COL28A1: variants seen among roughly 807,000 people sequenced by gnomAD.
The protein encoded by COL28A1 is collagen type XXVIII alpha 1 chain, also known as collagen alpha-1(XXVIII) chain.
COL28A1 carries 161 observed loss-of-function variants against 150.2 expected under a neutral mutation model. The ratio of observed to expected loss-of-function variants is 1.07; its 90% CI spans 0.94 to 1.22. The LOEUF is 1.22. COL28A1 is among the 50% of genes most tolerant of loss of function. The pLI is 0.00. For missense variants in COL28A1, 1,617 were observed against 1,388.3 expected (o/e 1.16, Z -2.62); for synonymous variants, 552 against 469.7 (o/e 1.18, Z -2.26).
Position 7,373,058 on chromosome 7 carries a change from T to G in COL28A1, c.2848A>C (p.Asn950His), listed in dbSNP as rs1352015478. The G allele has an allele frequency of 2.5e-6, 4 of 1,614,150 alleles. No homozygotes were observed. Among genetic ancestry groups the G allele is most frequent in the Non-Finnish European group, 3.4e-6 (4 of 1,180,026 alleles). Reference protein sequence around the residue: ...PNFEIFHKEMNLIATDPEHVY... With the variant: ...PNFEIFHKEMHLIATDPEHVY... ...TGCTCTGGGTCAGTAGCAATTAGAT[T>G]CATTTCTTTGTGGAATATTTCAAAG... The change falls in exon 32 of 35, where the codon AAT becomes CAT. Residue 950 changes from asparagine (N) to histidine (H), a missense_variant. By Grantham distance (68) the Asn-to-His change is moderately conservative. Transcript: ENST00000399429. This position sits in a 1 kb window ranked among gnomAD's most constrained non-coding sequence, Gnocchi z 4.1.
intron 11 of COL28A1, among the ~76,000 whole-genome samples, chr7:7,504,939 G>A (rs946088500): frequency 6.6e-6 from 1 of 152,174 alleles, no homozygotes; most frequent in Admixed American, 6.5e-5. Flanking sequence ...GATTGTACCT[G>A]TAGCCAATGC....
At chr7:7,351,089 T>C in the COL28A1 span, among the ~76,000 whole-genome samples, 1 of 152,174 alleles carries the variant, frequency 6.6e-6, no homozygotes, top group Admixed American at 6.6e-5. Context: ...TTGTCTTTTA[T>C]TGACGTGGAA....
chr7:7,360,627 G>A (rs1780604341), intron 33 of COL28A1, 99 bp from the exon 34 acceptor site: 2 of 1,048,852 alleles, frequency 1.9e-6, no homozygotes, highest in Admixed American at 2.9e-5. Flanking sequence ...CAGCCATGCT[G>A]TGTTTCCCTA....
In COL28A1 at chr7:7,515,673, T is replaced by C. The variant is rs1781376605; in HGVS notation, c.882+141A>G. 9.0e-6 allele frequency: 6 copies of C among 669,788 alleles called. No individual in the cohort carries two copies. The Admixed American group carries it at 1.6e-4, about 18-fold the overall frequency. 41.5% of individuals were successfully genotyped at this position (669,788 alleles called of 1,614,324 possible). ...CACATCCATATGTTAAGTTCTATTA[T>C]TATTTTATGTTAACTCAGGAATGAG... On this transcript the variant is annotated intron_variant, in intron 8 of 34. Coordinates refer to ENST00000399429, the MANE Select transcript of COL28A1 (RefSeq NM_001037763.3).
At chr7:7,355,895 C>T (rs1398735645), downstream of COL28A1, among the ~76,000 whole-genome samples, 1 of 152,110 alleles carries the variant, frequency 6.6e-6, no homozygotes. Flanking sequence ...AGAGCATTCA[C>T]AGCAACAGTG....
chr7:7,460,176 G>C (rs192410395), intron 15 of COL28A1, among the ~76,000 whole-genome samples: 293 of 152,300 alleles, frequency 1.9e-3, no homozygotes, highest in African/African-American at 6.3e-3. Flanking sequence ...AGTCACTGTA[G>C]GTTCATCGTA....
intron 11 of COL28A1, among the ~76,000 whole-genome samples, chr7:7,498,693 A>C (rs554864125): frequency 5.9e-5 from 9 of 152,218 alleles, no homozygotes; most frequent in African/African-American, 2.2e-4. Context: ...CAAACTTGCT[A>C]TTGCAACTTA....
At chr7:7,417,634 C>T (rs1471205168) in intron 27 of COL28A1, 6 of 519,356 alleles carry the variant, frequency 1.2e-5, no homozygotes, top group African/African-American at 8.1e-5. Context: ...TAGAACAGTT[C>T]ACTTTTGCAC....
chr7:7,384,998 T>C (rs1304791768), intron 27 of COL28A1, among the ~76,000 whole-genome samples: 3 of 152,212 alleles, frequency 2.0e-5, no homozygotes, highest in Non-Finnish European at 4.4e-5. Flanking sequence ...TGCAGCCTGC[T>C]TCTGAACATG....
At chr7:7,417,470 G>C (rs892956061) in intron 27 of COL28A1, among the ~76,000 whole-genome samples, 1 of 136,412 alleles carries the variant, frequency 7.3e-6, no homozygotes, top group Non-Finnish European at 1.6e-5. Context: ...CTACCATGGA[G>C]GATACAGGTG....
intron 25 of COL28A1, 178 bp from the exon 26 acceptor site, chr7:7,420,131 T>C (rs1262442445): frequency 1.3e-5 from 5 of 392,600 alleles, no homozygotes; most frequent in Non-Finnish European, 1.8e-5. Flanking sequence ...CAGATCCAGG[T>C]CCATTTCAAA....
intron 27 of COL28A1, among the ~76,000 whole-genome samples, chr7:7,382,903 GA>G (rs1179107741): frequency 6.6e-6 from 1 of 152,150 alleles, no homozygotes; most frequent in African/African-American, 2.4e-5. Context: ...GGCACTCCTG[GA>G]AGGGGCCACA....
intron 21 of COL28A1, among the ~76,000 whole-genome samples, chr7:7,440,262 C>T (rs1404257502): frequency 6.6e-6 from 1 of 152,138 alleles, no homozygotes; most frequent in African/African-American, 2.4e-5. Flanking sequence ...TTACTATATA[C>T]CAGGAAATGT....
rs367611302 is a variant in COL28A1, at chr7:7,432,549, G to T, written c.1930-8C>A. The T allele has an allele frequency of 6.2e-6, 10 of 1,613,496 alleles. No homozygotes were observed. In the African/African-American group the frequency reaches 1.2e-4, roughly 19 times the overall value. On this transcript the variant is annotated splice_region_variant and splice_polypyrimidine_tract_variant and intron_variant, in intron 24 of 34. Coordinates refer to ENST00000399429, the MANE Select transcript of COL28A1 (RefSeq NM_001037763.3). Reference sequence around the variant, plus strand: ...TGGTAATCCACGAGGTCCCTGAGATGACACAGTAAGGGAGGGAGTGAGCAT... The same window carrying T: ...TGGTAATCCACGAGGTCCCTGAGATTACACAGTAAGGGAGGGAGTGAGCAT...
intron 11 of COL28A1, among the ~76,000 whole-genome samples, chr7:7,501,947 G>T (rs561528888): frequency 1.3e-5 from 2 of 152,234 alleles, no homozygotes; most frequent in African/African-American, 4.8e-5. Context: ...CCCAGCTGGA[G>T]TGCAGTGGTG....
At chr7:7,542,653 A>C in the COL28A1 span, among the ~76,000 whole-genome samples, 1 of 152,206 alleles carries the variant, frequency 6.6e-6, no homozygotes, top group African/African-American at 2.4e-5. Flanking sequence ...TGCCATGTTA[A>C]AGGGTTTAAA....
chr7:7,502,600 A>G (rs1283252952), intron 11 of COL28A1, among the ~76,000 whole-genome samples: 2 of 152,170 alleles, frequency 1.3e-5, no homozygotes, highest in Non-Finnish European at 2.9e-5. Flanking sequence ...TGCAAGTTTA[A>G]AGGTTTCTAT....
At chr7:7,397,262 C>G (rs1487352802) in intron 27 of COL28A1, among the ~76,000 whole-genome samples, 4 of 152,152 alleles carry the variant, frequency 2.6e-5, no homozygotes, top group African/African-American at 9.7e-5. Context: ...TCTTCCTGCA[C>G]TCCAGTCTGT....
chr7:7,346,139 G>C, the COL28A1 span, among the ~76,000 whole-genome samples: 1 of 151,898 alleles, frequency 6.6e-6, no homozygotes, highest in South Asian at 2.1e-4. Flanking sequence ...ATCAGCTCTA[G>C]TGTTCTACTA....
Sources: allele counts gnomAD v4.1 joint callset (sites outside exome capture counted in the v4.1 genomes callset), GRCh38; gene constraint gnomAD v4.1.1; non-coding constraint Gnocchi (gnomAD v3.1); transcripts MANE v1.5; gene names NCBI Gene and HGNC (gene_info 2026-07-23, HGNC 2026-07-21).